Variants in FRAS1 observed in about 807,000 individuals in gnomAD.
The protein encoded by FRAS1 is Fraser extracellular matrix complex subunit 1, also known as extracellular matrix organizing protein FRAS1.
In FRAS1, 290 loss-of-function variants were observed where a neutral mutation model predicts 435.2. That is an observed-to-expected ratio of 0.67 (90% CI 0.61 to 0.73). The LOEUF is 0.73. Among genes scored for constraint, FRAS1 ranks in the 30% least tolerant of loss-of-function variants. FRAS1 has a pLI of 0.00. For synonymous variants in FRAS1, 1,800 were observed against 1,851.0 expected (o/e 0.97, Z 0.71); for missense variants, 4,860 against 5,001.5 (o/e 0.97, Z 0.85).
rs1578260876 is a variant in FRAS1 at position 78,337,974 on chromosome 4, G to C, written c.2422+157G>C. On this transcript the variant is annotated intron_variant, in intron 20 of 73. Coordinates refer to ENST00000512123, the MANE Select transcript of FRAS1 (RefSeq NM_025074.7). Reference sequence around the variant, plus strand: ...AACTCATGTTACTGCTTCTCCTTGGGCATTTAGTAAATACTTGTGGATTTA... The same window carrying C: ...AACTCATGTTACTGCTTCTCCTTGGCCATTTAGTAAATACTTGTGGATTTA... The C allele has an allele frequency of 1.2e-5, 8 of 660,380 alleles. No homozygotes were observed. In the East Asian group the frequency reaches 2.2e-4, roughly 19 times the overall value. 40.9% of individuals were successfully genotyped at this position (660,380 alleles called of 1,614,324 possible). A position where few individuals can be genotyped will look rare whatever the true frequency, so the allele number is the denominator to read the frequency against.
At chr4:78,505,268 GGCCTTGCTT>G (rs1385654934) in intron 61 of FRAS1, among the ~76,000 whole-genome samples, 1 of 152,126 alleles carries the variant, frequency 6.6e-6, no homozygotes, top group African/African-American at 2.4e-5. Context: ...TTTGAATGTT[GGCCTTGCTT>G]GCCAGGTTGG....
chr4:78,368,747 A>G (rs1374594972), intron 22 of FRAS1, among the ~76,000 whole-genome samples: 1 of 152,200 alleles, frequency 6.6e-6, no homozygotes, highest in Admixed American at 6.6e-5. Flanking sequence ...GAAAGTTAAC[A>G]AAGGTCCCAG....
chr4:78,431,591 C>T (rs1010800328), intron 37 of FRAS1, among the ~76,000 whole-genome samples: 2 of 151,978 alleles, frequency 1.3e-5, no homozygotes, highest in East Asian at 3.8e-4. Flanking sequence ...ATATAATATC[C>T]AAGAAGAGCA....
chr4:78,260,057 TC>T (rs1387765126), intron 6 of FRAS1, among the ~76,000 whole-genome samples: 2 of 151,934 alleles, frequency 1.3e-5, no homozygotes, highest in Admixed American at 1.3e-4. Context: ...GTTCCATTGA[TC>T]TATATCTCTG....
At chr4:78,229,933 C>T (rs951621430) in intron 2 of FRAS1, among the ~76,000 whole-genome samples, 2 of 152,284 alleles carry the variant, frequency 1.3e-5, no homozygotes, top group Admixed American at 6.5e-5. Flanking sequence ...CCTTTCTTTC[C>T]GTCTCCCTAC....
chr4:78,209,904 G>A (rs528927244), intron 2 of FRAS1, among the ~76,000 whole-genome samples: 3 of 152,278 alleles, frequency 2.0e-5, no homozygotes, highest in East Asian at 1.9e-4. Flanking sequence ...AGAACAGCCC[G>A]TTGACTCTGT....
At chr4:78,445,875 G>T (rs1718806546) in intron 42 of FRAS1, 163 bp downstream of exon 42, 2 of 1,352,956 alleles carry the variant, frequency 1.5e-6, no homozygotes, top group Admixed American at 3.1e-5. Flanking sequence ...GTAGAATTAA[G>T]GTTGGCATTT....
intron 20 of FRAS1, among the ~76,000 whole-genome samples, chr4:78,359,326 C>T (rs1223059942): frequency 6.6e-6 from 1 of 152,146 alleles, no homozygotes; most frequent in Non-Finnish European, 1.5e-5. Context: ...AATCCTCAAG[C>T]CCTTGTTGCT....
intron 35 of FRAS1, 108 bp from the exon 36 acceptor site, chr4:78,428,986 GT>G: frequency 8.6e-7 from 1 of 1,156,308 alleles, no homozygotes; most frequent in Non-Finnish European, 1.2e-6. Flanking sequence ...CTACATATTT[GT>G]GGAAACTGCC....
intron 20 of FRAS1, among the ~76,000 whole-genome samples, chr4:78,357,655 A>T (rs2110288799): frequency 6.6e-6 from 1 of 152,178 alleles, no homozygotes; most frequent in African/African-American, 2.4e-5. Context: ...TAATCCCATC[A>T]CTTTGGGAAA....
chr4:78,207,060 G>A (rs1361654335), intron 2 of FRAS1, among the ~76,000 whole-genome samples: 1 of 152,182 alleles, frequency 6.6e-6, no homozygotes, highest in African/African-American at 2.4e-5. Context: ...TAGACCAACT[G>A]CATAGTTATC....
intron 9 of FRAS1, among the ~76,000 whole-genome samples, chr4:78,273,973 T>A (rs1333712442): frequency 1.3e-5 from 2 of 152,224 alleles, no homozygotes; most frequent in Non-Finnish European, 2.9e-5. Context: ...AGGCTATTAA[T>A]TATTGCCTCC....
At chr4:78,226,712 T>C (rs1724289856) in intron 2 of FRAS1, among the ~76,000 whole-genome samples, 1 of 152,142 alleles carries the variant, frequency 6.6e-6, no homozygotes. Flanking sequence ...CTTGAATTTG[T>C]GGCTTGGTAT....
intron 2 of FRAS1, among the ~76,000 whole-genome samples, chr4:78,094,378 C>T (rs995426025): frequency 1.2e-4 from 18 of 151,962 alleles, no homozygotes; most frequent in Non-Finnish European, 2.2e-4. Flanking sequence ...AGGCAACATA[C>T]TTTTTATTCC....
rs543983670 is a variant in FRAS1, at chr4:78,542,595, A to G, written c.*1471A>G. 6.5e-6 allele frequency: 1 copy of G among 152,792 alleles called. No homozygotes were observed. Among genetic ancestry groups the G allele is most frequent in the Admixed American group, 6.5e-5 (1 of 15,310 alleles). The allele number at this position is 152,792 out of a possible 1,614,324, so 9.5% of individuals were successfully genotyped here. A position where few individuals can be genotyped will look rare whatever the true frequency, so the allele number is the denominator to read the frequency against. ...AAGCTCTTTGAGAACATTCCAAACT[A>G]GTAACATTTCGCTACTAAAAGCTAG... On this transcript the variant is annotated 3_prime_UTR_variant, in exon 74 of 74. Transcript: ENST00000512123.
intron 27 of FRAS1, among the ~76,000 whole-genome samples, chr4:78,381,675 T>A (rs921728358): frequency 2.6e-5 from 4 of 152,232 alleles, no homozygotes. Flanking sequence ...CAGTCACTTA[T>A]GAAAAGCGTA....
At position 78,133,602 on chromosome 4, in the gene FRAS1, G is replaced by C. The variant is rs376378686; in HGVS notation, c.108+67586G>C. ...TTCCATGCTGTGATTATTACACATTGCCTGCCTGTATCAAAACATCTCATG... is the reference window on the plus strand; with the variant it reads ...TTCCATGCTGTGATTATTACACATTCCCTGCCTGTATCAAAACATCTCATG... On this transcript the variant is annotated intron_variant, in intron 2 of 73. Coordinates refer to ENST00000512123, the MANE Select transcript of FRAS1 (RefSeq NM_025074.7). Among the ~76,000 whole-genome samples the C allele has an allele frequency of 9.9e-5, 15 of 152,146 alleles. No homozygotes were observed. In the East Asian group the frequency reaches 1.7e-3, roughly 18 times the overall value.
intron 14 of FRAS1, among the ~76,000 whole-genome samples, chr4:78,289,665 C>T (rs1259546194): frequency 6.6e-6 from 1 of 152,172 alleles, no homozygotes; most frequent in South Asian, 2.1e-4. Context: ...GCCCATCCTA[C>T]CCCACTCTTC....
intron 42 of FRAS1, 93 bp downstream of exon 42, chr4:78,445,805 A>G: frequency 4.1e-6 from 6 of 1,461,612 alleles, no homozygotes; most frequent in Non-Finnish European, 2.7e-6. Context: ...AAAGCAAAGA[A>G]GATTGGATTT....
Sources: allele counts gnomAD v4.1 joint callset (sites outside exome capture counted in the v4.1 genomes callset), GRCh38; gene constraint gnomAD v4.1.1; transcripts MANE v1.5; gene names NCBI Gene and HGNC (gene_info 2026-07-23, HGNC 2026-07-21).